The following SRI variants were observed in gnomAD, a reference collection of about 807,000 sequenced individuals.
SRI encodes 22 kDa protein.
SRI carries 30 observed loss-of-function variants against 33.3 expected under a neutral mutation model. The observed-to-expected ratio is 0.90, with a 90% CI of 0.67 to 1.22. The LOEUF is 1.22. Among genes scored for constraint, SRI ranks in the 50% most tolerant of loss-of-function variants. The pLI is 0.00. For missense variants in SRI, 243 were observed against 250.8 expected, an observed-to-expected ratio of 0.97 and a Z score of 0.21; for synonymous variants, 75 against 89.9, an observed-to-expected ratio of 0.83 and a Z score of 0.94.
intron 3 of SRI, among the ~76,000 whole-genome samples, chr7:88,212,912 G>A (rs76202812): frequency 6.6e-6 from 1 of 152,176 alleles, no homozygotes; most frequent in South Asian, 2.1e-4. Flanking sequence ...GCTCTGGACG[G>A]CCTGACAACC....
At chr7:88,213,390 T>C (rs1357855183) in intron 3 of SRI, among the ~76,000 whole-genome samples, 1 of 152,218 alleles carries the variant, frequency 6.6e-6, no homozygotes, top group African/African-American at 2.4e-5. Context: ...TACACTATCT[T>C]CATGGAGAAT....
chr7:88,206,636 G>A, intron 7 of SRI, 132 bp from the exon 8 acceptor site: 1 of 913,282 alleles, frequency 1.1e-6, no homozygotes, highest in South Asian at 1.5e-5. Flanking sequence ...TAAGATATGA[G>A]TAAATGATAG....
upstream of SRI, among the ~76,000 whole-genome samples, chr7:88,224,052 C>A (rs1461456993): frequency 6.6e-6 from 1 of 152,174 alleles, no homozygotes; most frequent in Non-Finnish European, 1.5e-5. Context: ...ATACTCCAAT[C>A]CTGCTGTTTA....
chr7:88,220,231 C>G, upstream of SRI: 1 of 984,450 alleles, frequency 1.0e-6, no homozygotes, highest in Non-Finnish European at 1.2e-6. Flanking sequence ...GCCATTACGG[C>G]GCTAATGCAG....
upstream of SRI, chr7:88,220,114 C>T: frequency 7.2e-7 from 1 of 1,388,550 alleles, no homozygotes; most frequent in East Asian, 3.0e-5. Flanking sequence ...AGGGGGCCGC[C>T]CCAGAGCGCA....
chr7:88,214,987 C>T lies in SRI; in HGVS notation c.205+2135G>A, dbSNP rs902119581. The T allele has an allele frequency of 6.2e-6, 3 of 486,800 alleles. 1 individual carries two copies. The highest frequency in any genetic ancestry group is 1.2e-5 in the Non-Finnish European group (3 of 255,176). 30.2% of individuals were successfully genotyped at this position (486,800 alleles called of 1,614,324 possible). Reference sequence around the variant, plus strand: ...TGAATTACAATCTTACTGACTGGAACACAACTTCTCTCACCAACTCCACCT... The same window carrying T: ...TGAATTACAATCTTACTGACTGGAATACAACTTCTCTCACCAACTCCACCT... On this transcript the variant is annotated intron_variant, in intron 3 of 7. Coordinates refer to ENST00000265729, the MANE Select transcript of SRI (RefSeq NM_003130.4).
At chr7:88,217,695 T>G (rs1851767419) in intron 2 of SRI, among the ~76,000 whole-genome samples, 1 of 152,176 alleles carries the variant, frequency 6.6e-6, no homozygotes, top group Non-Finnish European at 1.5e-5. Flanking sequence ...TTTAGGGACT[T>G]TAAAATAAAA....
chr7:88,210,762 T>C, intron 4 of SRI, 120 bp downstream of exon 4: 1 of 967,108 alleles, frequency 1.0e-6, no homozygotes, highest in South Asian at 1.5e-5. Flanking sequence ...AAGCTAATTA[T>C]TTCAGAAAGC....
chr7:88,205,608 A>G lies in SRI; in HGVS notation c.*870T>C, dbSNP rs928922169. On this transcript the variant is annotated 3_prime_UTR_variant, in exon 8 of 8. Transcript: ENST00000265729. ...ATGATCCTGACTCCCAGTGGTAGCCAGATCAATGTTTTGGTACATACTTTC... is the reference window on the plus strand; with the variant it reads ...ATGATCCTGACTCCCAGTGGTAGCCGGATCAATGTTTTGGTACATACTTTC... 1 of 152,224 alleles carries G rather than the reference A, an allele frequency of 6.6e-6. No homozygotes were observed. Among genetic ancestry groups the G allele is most frequent in the African/African-American group, 2.4e-5 (1 of 41,460 alleles). 9.4% of individuals were successfully genotyped at this position (152,224 alleles called of 1,614,324 possible). A position where few individuals can be genotyped will look rare whatever the true frequency, so the allele number is the denominator to read the frequency against.
Position 88,205,221 on chromosome 7 carries a change from AG to A in SRI, c.*1256del, listed in dbSNP as rs1297309319. ...TAAGACAGATACTCTGCTGGCAAGT[AG>A]AAAATAGACTAATTTCATTTTTTAT... On this transcript the variant is annotated 3_prime_UTR_variant, in exon 8 of 8. Coordinates refer to ENST00000265729, the MANE Select transcript of SRI (RefSeq NM_003130.4). 2 of 152,252 alleles carry A rather than the reference AG, an allele frequency of 1.3e-5. No homozygotes were observed. The highest frequency in any genetic ancestry group is 4.8e-5 in the African/African-American group (2 of 41,470). 9.4% of individuals were successfully genotyped at this position (152,252 alleles called of 1,614,324 possible).
chr7:88,209,362 C>A lies in SRI; in HGVS notation c.488G>T (p.Cys163Phe). The change falls in exon 6 of 8, where the codon TGC (cysteine) becomes TTC (phenylalanine). Residue 163 changes from cysteine to phenylalanine, a missense_variant. Physicochemically the swap from Cys to Phe is radical, Grantham distance 205. Transcript: ENST00000265729. ...ACCTGTAAGAGCCCTCAGTTTGACG[C>A]AGCAGGCGATGTAGTCGTCGAAGGT... Reference protein sequence around the residue: ...KITFDDYIACCVKLRALTDSF... With the variant: ...KITFDDYIACFVKLRALTDSF... 1 of 1,614,008 alleles carries A rather than the reference C, an allele frequency of 6.2e-7. No individual in the cohort carries two copies. The highest frequency in any genetic ancestry group is 8.5e-7 in the Non-Finnish European group (1 of 1,179,916).
At chr7:88,207,447 A>G (rs928586234) in intron 7 of SRI, among the ~76,000 whole-genome samples, 2 of 152,236 alleles carry the variant, frequency 1.3e-5, no homozygotes, top group Non-Finnish European at 1.5e-5. Flanking sequence ...CATGCATCTT[A>G]TATTTTGTAA....
At chr7:88,220,178 G>C, upstream of SRI, 4 of 1,315,884 alleles carry the variant, frequency 3.0e-6, no homozygotes, top group Non-Finnish European at 3.9e-6. Flanking sequence ...TTGCCTGTGC[G>C]CGCGGCCGTG....
chr7:88,210,197 G>A, intron 4 of SRI, 67 bp from the exon 5 acceptor site: 1 of 1,546,130 alleles, frequency 6.5e-7, no homozygotes, highest in Admixed American at 1.7e-5. Context: ...GAAAGATCAA[G>A]GATAAGGGGA....
intron 3 of SRI, 83 bp from the exon 4 acceptor site, chr7:88,211,008 A>G: frequency 9.3e-7 from 1 of 1,078,948 alleles, no homozygotes; most frequent in Non-Finnish European, 1.4e-6. Flanking sequence ...TTAATTAGAA[A>G]TATGATTATT....
At chr7:88,226,527 A>G (rs970904139) in intron 1 of SRI, among the ~76,000 whole-genome samples, 2 of 152,306 alleles carry the variant, frequency 1.3e-5, no homozygotes, top group African/African-American at 2.4e-5. Flanking sequence ...AAAATTCCCA[A>G]TTATTCATAT....
At chr7:88,220,046 C>T, upstream of SRI, 1 of 1,517,582 alleles carries the variant, frequency 6.6e-7, no homozygotes, top group Non-Finnish European at 8.8e-7. Context: ...TGCGCCGCAG[C>T]CGCCCTCGCC....
chr7:88,205,740 GA>G lies in SRI; in HGVS notation c.*737del, dbSNP rs1485154570. On this transcript the variant is annotated 3_prime_UTR_variant, in exon 8 of 8. Transcript: ENST00000265729. ...TCTGATTTTAAAAGGAAAGCATATA[GA>G]AAATCTGAAAAATACTGATATAAAG... is the stretch of plus-strand genomic sequence containing the variant. The G allele has an allele frequency of 6.6e-6, 1 of 152,126 alleles. No individual in the cohort carries two copies. Among genetic ancestry groups the G allele is most frequent in the Non-Finnish European group, 1.5e-5 (1 of 68,006 alleles). 9.4% of individuals were successfully genotyped at this position (152,126 alleles called of 1,614,324 possible). A position where few individuals can be genotyped will look rare whatever the true frequency, so the allele number is the denominator to read the frequency against.
In SRI at chr7:88,206,294, G is replaced by A; in HGVS notation, c.*184C>T. On this transcript the variant is annotated 3_prime_UTR_variant, in exon 8 of 8. Coordinates refer to ENST00000265729, the MANE Select transcript of SRI (RefSeq NM_003130.4). ...GTGTAACAGACTAGATCTTATTAAA[G>A]TTCCAAAGAATTTATTATCAAAACT... is the stretch of plus-strand genomic sequence containing the variant. 1 of 701,054 alleles carries A rather than the reference G, an allele frequency of 1.4e-6. No homozygotes were observed. The highest frequency in any genetic ancestry group is 2.5e-6 in the Non-Finnish European group (1 of 402,698). 43.4% of individuals were successfully genotyped at this position (701,054 alleles called of 1,614,324 possible).
Sources: allele counts gnomAD v4.1 joint callset (sites outside exome capture counted in the v4.1 genomes callset), GRCh38; gene constraint gnomAD v4.1.1; transcripts MANE v1.5; gene names NCBI Gene and HGNC (gene_info 2026-07-23, HGNC 2026-07-21).